ANK3: variants seen among roughly 807,000 people sequenced by gnomAD.
ANK3 encodes ankyrin 3, also known as ankyrin-3.
A neutral mutation model predicts 370.9 loss-of-function variants in ANK3; 57 were observed. That is an observed-to-expected ratio of 0.15 (90% CI 0.12 to 0.19). The LOEUF (loss-of-function observed/expected upper bound fraction) is 0.19, where lower values mean the gene tolerates loss of function less well. Ranked by LOEUF, ANK3 falls within the 10% of genes least tolerant of loss-of-function variation. ANK3 has a pLI of 1.00. For synonymous variants in ANK3, 1,929 were observed against 1,946.3 expected (o/e 0.99, Z 0.23); for missense variants, 4,439 against 5,302.1 (o/e 0.84, Z 5.06).
chr10:60,579,880 G>T (rs529597256), intron 2 of ANK3, among the ~76,000 whole-genome samples: 5 of 152,194 alleles, frequency 3.3e-5, no homozygotes, highest in African/African-American at 9.6e-5. Flanking sequence ...GTACATTTAA[G>T]ACATGGTAAA....
chr10:60,326,867 A>C lies in ANK3; in HGVS notation c.115-47228T>G, dbSNP rs1043135057. Among the ~76,000 whole-genome samples the C allele has an allele frequency of 6.3e-5, 8 of 126,234 alleles. No homozygotes were observed. In the East Asian group the frequency reaches 1.6e-3, roughly 26 times the overall value. The allele number at this position is 126,234 out of a possible 152,430, so 82.8% of individuals were successfully genotyped here. Reference sequence around the variant, plus strand: ...AAACCCCGTCTCTACTAAAAATACAAAAAATTAGTCGGGTGCGGTGCGGGC... The same window carrying C: ...AAACCCCGTCTCTACTAAAAATACACAAAATTAGTCGGGTGCGGTGCGGGC... On this transcript the variant is annotated intron_variant, in intron 1 of 43. Transcript: ENST00000280772.
intron 1 of ANK3, among the ~76,000 whole-genome samples, chr10:60,375,651 G>A (rs1435515341): frequency 6.6e-6 from 1 of 152,132 alleles, no homozygotes; most frequent in African/African-American, 2.4e-5. Context: ...TAGAACCCAA[G>A]CCTCCTGCCC....
chr10:60,723,776 T>A (rs999199927), intron 1 of ANK3, among the ~76,000 whole-genome samples: 2 of 152,052 alleles, frequency 1.3e-5, no homozygotes, highest in African/African-American at 4.8e-5. Context: ...TCTATAACTA[T>A]CATCTCAGAA....
chr10:60,562,604 A>C (rs1286288267), intron 2 of ANK3, among the ~76,000 whole-genome samples: 8 of 152,162 alleles, frequency 5.3e-5, no homozygotes. Context: ...TAGTAGAGAC[A>C]GGGTTTCACC....
chr10:60,233,468 C>G (rs1249767263), intron 8 of ANK3, among the ~76,000 whole-genome samples: 1 of 152,108 alleles, frequency 6.6e-6, no homozygotes, highest in Non-Finnish European at 1.5e-5. Flanking sequence ...GTTTTAGAGA[C>G]AGGGTCTCAC....
chr10:60,637,015 T>G lies in ANK3; in HGVS notation c.58-21791A>C, dbSNP rs191156653. Reference sequence around the variant, plus strand: ...TTTCAAATTCTCCTTTATTTCCTACTACATTCTCACTCCAAACACGCCCAT... The same window carrying G: ...TTTCAAATTCTCCTTTATTTCCTACGACATTCTCACTCCAAACACGCCCAT... On this transcript the variant is annotated intron_variant, in intron 1 of 43. Transcript: ENST00000373827. 1.4e-4 allele frequency among the ~76,000 whole-genome samples: 22 copies of G among 152,210 alleles called. 1 individual carries two copies. Among genetic ancestry groups the G allele is most frequent in the Admixed American group, 3.3e-4 (5 of 15,274 alleles).
chr10:60,350,930 A>T (rs547229047), intron 1 of ANK3, among the ~76,000 whole-genome samples: 3 of 152,208 alleles, frequency 2.0e-5, no homozygotes, highest in Non-Finnish European at 2.9e-5. Context: ...ATTTAGCTCC[A>T]ATTACTTAAA....
chr10:60,071,794 C>A lies in ANK3; in HGVS notation c.9087G>T (p.Gln3029His). 6.2e-7 allele frequency: 1 copy of A among 1,608,748 alleles called. No homozygotes were observed. Among genetic ancestry groups the A allele is most frequent in the African/African-American group, 1.3e-5 (1 of 74,756 alleles). Residue 3029 changes from glutamine (Q) to histidine (H), a missense_variant, in exon 37 of 44, where the codon CAG becomes CAT. Coordinates refer to ENST00000280772, the MANE Select transcript of ANK3 (RefSeq NM_020987.5). ...GAGGTGGGCATAAACCTACATAACT[C>A]TGGTGTTTGGAAACTTTGCTGATTT... ...YSEISKVSKH[Q>H]SYVGLCPPLE...
chr10:60,367,786 G>A lies in ANK3; in HGVS notation c.114+21639C>T, dbSNP rs374374754. Among the ~76,000 whole-genome samples the A allele has an allele frequency of 9.2e-5, 14 of 152,278 alleles. No individual in the cohort carries two copies. In the East Asian group the frequency reaches 1.7e-3, roughly 19 times the overall value. On this transcript the variant is annotated intron_variant, in intron 1 of 43. Coordinates refer to ENST00000280772, the MANE Select transcript of ANK3 (RefSeq NM_020987.5). Reference sequence around the variant, plus strand: ...TCAGTGACATTTAAGTATAAAAGGCGAGCTTTCTCTTTAAAATGGATGCAG... The same window carrying A: ...TCAGTGACATTTAAGTATAAAAGGCAAGCTTTCTCTTTAAAATGGATGCAG...
chr10:60,122,437 A>G (rs765588694), intron 25 of ANK3, among the ~76,000 whole-genome samples: 1 of 152,266 alleles, frequency 6.6e-6, no homozygotes, highest in African/African-American at 2.4e-5. Context: ...CACGTGGCTC[A>G]GACACTAAGC....
chr10:60,725,962 C>T (rs1356409038), intron 1 of ANK3, among the ~76,000 whole-genome samples: 2 of 152,112 alleles, frequency 1.3e-5, no homozygotes, highest in Non-Finnish European at 1.5e-5. Context: ...ATGTACCTGG[C>T]CCTCTACTAG....
At chr10:60,066,145 G>A (rs1033869365) in intron 38 of ANK3, among the ~76,000 whole-genome samples, 4 of 152,122 alleles carry the variant, frequency 2.6e-5, no homozygotes, top group Admixed American at 2.6e-4. Flanking sequence ...CTTCATCTCT[G>A]TGTCTTAAGA....
chr10:60,421,558 G>A (rs751101299), intron 2 of ANK3, among the ~76,000 whole-genome samples: 59 of 151,898 alleles, frequency 3.9e-4, no homozygotes, highest in African/African-American at 5.5e-4. Context: ...GGGAGGGAGC[G>A]CACAATTACT....
chr10:60,321,039 T>C (rs914258297), intron 1 of ANK3, among the ~76,000 whole-genome samples: 1 of 152,110 alleles, frequency 6.6e-6, no homozygotes, highest in African/African-American at 2.4e-5. Context: ...ATTACAATGA[T>C]GCTATTTTGA....
intron 7 of ANK3, among the ~76,000 whole-genome samples, chr10:60,235,550 G>GTTTTTTTTTTTTTT (rs72388493): frequency 1.7e-5 from 2 of 115,052 alleles, no homozygotes; most frequent in Non-Finnish European, 3.5e-5. Flanking sequence ...CTGATTTCTT[G>GTTTTTTTTTTTTTT]TTTTTTTTTT....
chr10:60,314,562 A>G (rs1297926828), intron 1 of ANK3, among the ~76,000 whole-genome samples: 1 of 152,164 alleles, frequency 6.6e-6, no homozygotes, highest in Admixed American at 6.5e-5. Context: ...ACTCATCTGG[A>G]AAGAGGATAA....
Position 60,389,601 on chromosome 10 carries a change from G to A in ANK3, c.-63C>T. The A allele has an allele frequency of 1.3e-6, 2 of 1,598,946 alleles. No homozygotes were observed. Among genetic ancestry groups the A allele is most frequent in the Non-Finnish European group, 1.7e-6 (2 of 1,174,976 alleles). ...TCCTTGTAAAAGGTGATATCCTCAGGCACCTCTAATCAGGCTTACAGCAGC... is the reference window on the plus strand; with the variant it reads ...TCCTTGTAAAAGGTGATATCCTCAGACACCTCTAATCAGGCTTACAGCAGC... On this transcript the variant is annotated 5_prime_UTR_variant, in exon 1 of 44. Transcript: ENST00000280772.
intron 2 of ANK3, among the ~76,000 whole-genome samples, chr10:60,513,628 A>G (rs2076143942): frequency 6.6e-6 from 1 of 152,180 alleles, no homozygotes; most frequent in Non-Finnish European, 1.5e-5. Context: ...CAATTTGACA[A>G]CAAATCAATC....
intron 1 of ANK3, among the ~76,000 whole-genome samples, chr10:60,720,314 G>A (rs1192678027): frequency 6.6e-6 from 1 of 152,122 alleles, no homozygotes; most frequent in Non-Finnish European, 1.5e-5. Context: ...AACCCTATGA[G>A]ATATGCACCC....
Sources: gnomAD v4.1 joint callset for allele counts (sites outside exome capture counted in the v4.1 genomes callset) on GRCh38, gnomAD v4.1.1 for gene constraint, MANE v1.5 for transcripts, NCBI Gene and HGNC (gene_info 2026-07-23, HGNC 2026-07-21) for gene names.